SUSD5: variants seen among roughly 807,000 people sequenced by gnomAD.
SUSD5 encodes sushi domain-containing protein 5.
In SUSD5, 33 loss-of-function variants were observed where a neutral mutation model predicts 29.5. The observed-to-expected ratio is 1.12, with a 90% confidence interval of 0.85 to 1.49. The LOEUF is 1.49. Among genes scored for constraint, SUSD5 ranks in the 40% most tolerant of loss-of-function variants. The probability of loss-of-function intolerance (pLI) is 0.00; values close to 1 mark genes in which losing one functional copy is unlikely to be tolerated. For missense variants in SUSD5, 776 were observed against 800.6 expected (o/e 0.97, Z 0.37); for synonymous variants, 308 against 325.3 (o/e 0.95, Z 0.57).
At chr3:33,171,942 T>C (rs534668708) in intron 4 of SUSD5, among the ~76,000 whole-genome samples, 1 of 152,294 alleles carries the variant, frequency 6.6e-6, no homozygotes, top group Admixed American at 6.5e-5. Flanking sequence ...CCCAGTTTAC[T>C]AGAGTTTCCT....
chr3:33,175,576 TACAC>T (rs796445118), intron 3 of SUSD5, among the ~76,000 whole-genome samples: 4 of 151,290 alleles, frequency 2.6e-5, no homozygotes, highest in South Asian at 2.1e-4. Flanking sequence ...TATATATATA[TACAC>T]ACACACACAT....
chr3:33,162,298 A>C (rs2031206571), intron 4 of SUSD5, among the ~76,000 whole-genome samples: 1 of 152,216 alleles, frequency 6.6e-6, no homozygotes, highest in Admixed American at 6.5e-5. Flanking sequence ...GAAACAGCAA[A>C]AGCTGAGCTC....
At chr3:33,209,806 C>A (rs910987188) in intron 2 of SUSD5, among the ~76,000 whole-genome samples, 10 of 152,016 alleles carry the variant, frequency 6.6e-5, no homozygotes, top group African/African-American at 2.4e-4. Flanking sequence ...CACCACCATG[C>A]CCAGCCCTCT....
chr3:33,213,795 A>G, intron 2 of SUSD5, 133 bp downstream of exon 2: 2 of 1,034,996 alleles, frequency 1.9e-6, no homozygotes, highest in Admixed American at 3.2e-5. Flanking sequence ...AACAAAACAA[A>G]ACAAAACATG....
At chr3:33,161,415 T>C (rs2031185279) in intron 4 of SUSD5, among the ~76,000 whole-genome samples, 3 of 150,596 alleles carry the variant, frequency 2.0e-5, no homozygotes, top group African/African-American at 4.9e-5. Context: ...ACATAATAAG[T>C]AAAAAATGCT....
intron 4 of SUSD5, among the ~76,000 whole-genome samples, chr3:33,166,132 G>A (rs764748844): frequency 6.6e-6 from 1 of 152,106 alleles, no homozygotes; most frequent in Non-Finnish European, 1.5e-5. Flanking sequence ...ACTCTGGGAC[G>A]GACAGTTAGC....
rs1435734649 is a variant in SUSD5 at position 33,151,806 on chromosome 3, A to C, written c.*936T>G. The C allele has an allele frequency of 6.6e-6, 1 of 152,232 alleles. No individual in the cohort carries two copies. Among genetic ancestry groups the C allele is most frequent in the Non-Finnish European group, 1.5e-5 (1 of 68,034 alleles). The allele number at this position is 152,232 out of a possible 1,614,324, so 9.4% of individuals were successfully genotyped here. A position where few individuals can be genotyped will look rare whatever the true frequency, so the allele number is the denominator to read the frequency against. On this transcript the variant is annotated 3_prime_UTR_variant, in exon 5 of 5. Coordinates refer to ENST00000309558, the MANE Select transcript of SUSD5 (RefSeq NM_015551.2). ...TTGAAAATAAAATAAAATAAATGAC[A>C]GACTGTCCCACAGAATGGAGGGAAC...
chr3:33,186,283 C>T (rs113054797), intron 3 of SUSD5, among the ~76,000 whole-genome samples: 9 of 150,446 alleles, frequency 6.0e-5, no homozygotes, highest in African/African-American at 2.2e-4. Flanking sequence ...GCCTGGGTGA[C>T]AGAGCAAGAC....
At chr3:33,175,620 C>T (rs1023771652) in intron 3 of SUSD5, among the ~76,000 whole-genome samples, 3 of 151,756 alleles carry the variant, frequency 2.0e-5, no homozygotes, top group Non-Finnish European at 4.4e-5. Context: ...CAAATACATA[C>T]ATATTTCTTT....
chr3:33,186,054 T>C (rs2031769713), intron 3 of SUSD5, among the ~76,000 whole-genome samples: 1 of 152,136 alleles, frequency 6.6e-6, no homozygotes, highest in Admixed American at 6.6e-5. Context: ...TAAAAGAAGA[T>C]AGACTTTGGG....
chr3:33,207,846 G>T lies in SUSD5; in HGVS notation c.371C>A (p.Pro124His). The change falls in exon 3 of 5, where the codon CCT (proline) becomes CAT (histidine). Residue 124 changes from proline to histidine, a missense_variant. Pro to His is a moderately conservative substitution (Grantham distance 77). Transcript: ENST00000309558. ...VDVRIESNPV[P>H]GGTYSALCIK... The stretch of plus-strand genomic sequence containing the variant: ...ACAAAGGGCACTGTATGTGCCACCA[G>T]GAACTGGGTTGCTCTCAATTCTCAC... 2.5e-6 allele frequency: 4 copies of T among 1,613,928 alleles called. No individual in the cohort carries two copies. Among genetic ancestry groups the T allele is most frequent in the Non-Finnish European group, 3.4e-6 (4 of 1,179,840 alleles).
chr3:33,207,729 T>G (rs771324962), intron 3 of SUSD5, 79 bp downstream of exon 3: 3 of 907,668 alleles, frequency 3.3e-6, no homozygotes, highest in South Asian at 3.4e-5. Context: ...TTCAAGGTTT[T>G]CTTCTAGAGA....
At chr3:33,194,711 GA>G (rs1441005500) in intron 3 of SUSD5, among the ~76,000 whole-genome samples, 2 of 152,142 alleles carry the variant, frequency 1.3e-5, no homozygotes, top group African/African-American at 4.8e-5. Context: ...GTAGATGGAA[GA>G]ATGAATGATG....
chr3:33,186,153 T>TC (rs1302193310), intron 3 of SUSD5, among the ~76,000 whole-genome samples: 1 of 151,756 alleles, frequency 6.6e-6, no homozygotes, highest in Non-Finnish European at 1.5e-5. Context: ...ATACAAAAAA[T>TC]TAGCTGGGCG....
intron 3 of SUSD5, among the ~76,000 whole-genome samples, chr3:33,182,746 T>A (rs2125623524): frequency 6.6e-6 from 1 of 152,282 alleles, no homozygotes; most frequent in East Asian, 1.9e-4. Context: ...TACTCCCACT[T>A]TATTTTGATT....
At chr3:33,212,623 T>G (rs530681445) in intron 2 of SUSD5, among the ~76,000 whole-genome samples, 1 of 152,314 alleles carries the variant, frequency 6.6e-6, no homozygotes, top group East Asian at 1.9e-4. Flanking sequence ...TTTTTGGCAG[T>G]TAATGCTAGC....
At position 33,152,933 on chromosome 3, in the gene SUSD5, A is replaced by G. The variant is rs766663241; in HGVS notation, c.1699T>C (p.Cys567Arg). 4 of 1,613,956 alleles carry G rather than the reference A, an allele frequency of 2.5e-6. No homozygotes were observed. Among genetic ancestry groups the G allele is most frequent in the Non-Finnish European group, 3.4e-6 (4 of 1,179,870 alleles). Reference sequence around the variant, plus strand: ...ACAGGGCCTCTGCTGAGGCCAGGACATCCGTCCCCCACACACGACTCCAAG... The same window carrying G: ...ACAGGGCCTCTGCTGAGGCCAGGACGTCCGTCCCCCACACACGACTCCAAG... ...PTLESCVGDG[C>R]PGLSRGPVIA... Residue 567 changes from cysteine (C) to arginine (R), a missense_variant, in exon 5 of 5, where the codon TGT becomes CGT. Cys to Arg is a radical substitution (Grantham distance 180, BLOSUM62 -3). Coordinates refer to ENST00000309558, the MANE Select transcript of SUSD5 (RefSeq NM_015551.2).
intron 3 of SUSD5, among the ~76,000 whole-genome samples, chr3:33,184,801 T>G (rs2031745152): frequency 6.6e-6 from 1 of 152,246 alleles, no homozygotes; most frequent in Admixed American, 6.5e-5. Flanking sequence ...CCATCTGTTC[T>G]TGTATGTCAT....
At chr3:33,210,185 T>A (rs922315111) in intron 2 of SUSD5, among the ~76,000 whole-genome samples, 2 of 152,218 alleles carry the variant, frequency 1.3e-5, no homozygotes, top group African/African-American at 4.8e-5. Flanking sequence ...TATTTGATTC[T>A]CCTAGACATC....
Sources: allele counts gnomAD v4.1 joint callset (sites outside exome capture counted in the v4.1 genomes callset), GRCh38; gene constraint gnomAD v4.1.1; transcripts MANE v1.5; gene names NCBI Gene and HGNC (gene_info 2026-07-23, HGNC 2026-07-21).